Variants in EML4 observed in about 807,000 individuals in gnomAD.
The protein encoded by EML4 is EMAP like 4, also known as echinoderm microtubule-associated protein-like 4.
In EML4, 72 loss-of-function variants were observed where a neutral mutation model predicts 129.0. That is an observed-to-expected ratio of 0.56 (90% CI 0.46 to 0.68). The LOEUF (loss-of-function observed/expected upper bound fraction) is 0.68. Ranked by LOEUF, EML4 falls within the 30% of genes least tolerant of loss-of-function variation. The pLI is 0.00. For synonymous variants in EML4, 532 were observed against 405.0 expected, an observed-to-expected ratio of 1.31 and a Z score of -3.77; for missense variants, 1,363 against 1,190.6, an observed-to-expected ratio of 1.14 and a Z score of -2.13.
At chr2:42,309,737 TG>T (rs1558599877) in intron 17 of EML4, among the ~76,000 whole-genome samples, 3 of 151,216 alleles carry the variant, frequency 2.0e-5, no homozygotes, top group Non-Finnish European at 4.4e-5. Context: ...ATCTTTGAAT[TG>T]GGTTGTCTGT....
intron 22 of EML4, 22 bp downstream of exon 22, chr2:42,329,038 C>A: frequency 1.2e-6 from 2 of 1,603,784 alleles, no homozygotes; most frequent in Admixed American, 1.7e-5. Flanking sequence ...TTAATAGAAA[C>A]TAATGTTATA....
chr2:42,200,696 A>T (rs1249157971), intron 1 of EML4, among the ~76,000 whole-genome samples: 1 of 152,244 alleles, frequency 6.6e-6, no homozygotes, highest in South Asian at 2.1e-4. Flanking sequence ...AAATATCATA[A>T]CAATTCTAAA....
At chr2:42,235,572 C>T (rs1348607761) in intron 1 of EML4, among the ~76,000 whole-genome samples, 1 of 152,158 alleles carries the variant, frequency 6.6e-6, no homozygotes, top group Non-Finnish European at 1.5e-5. Context: ...TCTGCCATTA[C>T]CATTCTAACC....
chr2:42,215,518 TTC>T (rs781362410), intron 1 of EML4, among the ~76,000 whole-genome samples: 2 of 152,178 alleles, frequency 1.3e-5, no homozygotes, highest in African/African-American at 4.8e-5. Context: ...TAGATTTTTT[TTC>T]TGTTTTATTA....
intron 19 of EML4, among the ~76,000 whole-genome samples, chr2:42,321,658 T>C (rs1256433941): frequency 6.6e-6 from 1 of 152,104 alleles, no homozygotes; most frequent in Non-Finnish European, 1.5e-5. Flanking sequence ...CTGCCACCCC[T>C]AACTTCAAAG....
chr2:42,316,886 T>C (rs1279599586), intron 18 of EML4, among the ~76,000 whole-genome samples: 1 of 152,210 alleles, frequency 6.6e-6, no homozygotes, highest in Non-Finnish European at 1.5e-5. Flanking sequence ...TTAACATTTT[T>C]CTGGGGTTTG....
In EML4 at chr2:42,173,920, T is replaced by G. The variant is rs145084438; in HGVS notation, c.25+4284T>G. On this transcript the variant is annotated intron_variant, in intron 1 of 22. Transcript: ENST00000318522. ...TAAGCCTAAGTACCAGAAATGGGGA[T>G]GAAGGGAGGAAGCACCATTTAGAAT... 1.9e-3 allele frequency among the ~76,000 whole-genome samples: 284 copies of G among 152,268 alleles called. 5 individuals carry two copies. In the East Asian group the frequency reaches 0.05, roughly 27 times the overall value.
chr2:42,279,964 T>G (rs1305118440), intron 6 of EML4, among the ~76,000 whole-genome samples: 2 of 152,180 alleles, frequency 1.3e-5, no homozygotes, highest in Admixed American at 6.5e-5. Flanking sequence ...CATTTTAAAA[T>G]CTGTTATTTA....
At chr2:42,259,761 G>T (rs373309637) in intron 3 of EML4, among the ~76,000 whole-genome samples, 1 of 116,970 alleles carries the variant, frequency 8.5e-6, no homozygotes, top group Non-Finnish European at 1.6e-5. Context: ...ACGGCGTCTC[G>T]CTCTGTCACC....
At chr2:42,264,095 C>T (rs34093094) in intron 5 of EML4, among the ~76,000 whole-genome samples, 35,118 of 127,940 alleles carry the variant, frequency 0.27, 6,435 homozygotes, top group East Asian at 0.57. Context: ...CCAACTCAAA[C>T]AATACGTGTT....
In EML4 at chr2:42,169,391, A is replaced by G. The variant is rs1353433924; in HGVS notation, c.-221A>G. 1 of 340,556 alleles carries G rather than the reference A, an allele frequency of 2.9e-6. No homozygotes were observed. Among genetic ancestry groups the G allele is most frequent in the Non-Finnish European group, 5.3e-6 (1 of 188,922 alleles). 21.1% of individuals were successfully genotyped at this position (340,556 alleles called of 1,614,324 possible). A position where few individuals can be genotyped will look rare whatever the true frequency, so the allele number is the denominator to read the frequency against. Reference sequence around the variant, plus strand: ...CTGCTGCCTGGGAGGGAGGCCGGGCAGGCGGCTGAGCGGCGCGGCTCTCAA... The same window carrying G: ...CTGCTGCCTGGGAGGGAGGCCGGGCGGGCGGCTGAGCGGCGCGGCTCTCAA... On this transcript the variant is annotated 5_prime_UTR_variant, in exon 1 of 23. Coordinates refer to ENST00000318522, the MANE Select transcript of EML4 (RefSeq NM_019063.5).
intron 1 of EML4, among the ~76,000 whole-genome samples, chr2:42,176,285 A>C (rs949123780): frequency 6.6e-6 from 1 of 152,128 alleles, no homozygotes; most frequent in Non-Finnish European, 1.5e-5. Context: ...GCTATAGTTC[A>C]GGTACTTATT....
intron 6 of EML4, among the ~76,000 whole-genome samples, chr2:42,277,523 A>G (rs1666722891): frequency 6.6e-6 from 1 of 152,146 alleles, no homozygotes; most frequent in South Asian, 2.1e-4. Flanking sequence ...TACACTGAGT[A>G]ATAATAATAA....
At chr2:42,255,325 T>A (rs1484744688) in intron 2 of EML4, among the ~76,000 whole-genome samples, 1 of 152,106 alleles carries the variant, frequency 6.6e-6, no homozygotes, top group African/African-American at 2.4e-5. Context: ...GACCTCGTGA[T>A]CCGCCCACCT....
At chr2:42,199,487 G>A (rs1672091633) in intron 1 of EML4, among the ~76,000 whole-genome samples, 1 of 152,184 alleles carries the variant, frequency 6.6e-6, no homozygotes. Context: ...TTTTGCAGGA[G>A]ACTTTTGGAG....
chr2:42,219,745 C>G (rs1305396498), intron 1 of EML4, among the ~76,000 whole-genome samples: 1 of 151,750 alleles, frequency 6.6e-6, no homozygotes, highest in African/African-American at 2.4e-5. Context: ...TGGTGAAGCC[C>G]CATCTCTACT....
chr2:42,228,467 T>C (rs1195136978), intron 1 of EML4, among the ~76,000 whole-genome samples: 10 of 152,222 alleles, frequency 6.6e-5, no homozygotes, highest in African/African-American at 1.9e-4. Context: ...ATCATGTTCT[T>C]AGAGCTTGTC....
At chr2:42,316,189 C>G (rs1669237313) in intron 18 of EML4, 139 bp downstream of exon 18, 1 of 499,686 alleles carries the variant, frequency 2.0e-6, no homozygotes, top group African/African-American at 2.0e-5. Flanking sequence ...CCCCCAACAT[C>G]AAATTAAATT....
intron 6 of EML4, among the ~76,000 whole-genome samples, chr2:42,270,122 C>A (rs1297009224): frequency 1.3e-5 from 2 of 152,260 alleles, no homozygotes; most frequent in East Asian, 3.9e-4. Flanking sequence ...AGTTTCCTTA[C>A]ACATATTTAG....
Sources: allele counts gnomAD v4.1 joint callset (sites outside exome capture counted in the v4.1 genomes callset), GRCh38; gene constraint gnomAD v4.1.1; transcripts MANE v1.5; gene names NCBI Gene and HGNC (gene_info 2026-07-23, HGNC 2026-07-21).